Variants in PNPLA8 observed in about 807,000 individuals in gnomAD.
The protein encoded by PNPLA8 is patatin like domain 8, phospholipase A2.
In PNPLA8, 39 loss-of-function variants were observed where a neutral mutation model predicts 76.9. The ratio of observed to expected loss-of-function variants is 0.51; its 90% CI spans 0.39 to 0.66. PNPLA8 has a LOEUF of 0.66. Ranked by LOEUF, PNPLA8 falls within the 30% of genes least tolerant of loss-of-function variation. The pLI is 0.00. For synonymous variants in PNPLA8, 301 were observed against 307.9 expected, an observed-to-expected ratio of 0.98 and a Z score of 0.24; for missense variants, 887 against 918.0, an observed-to-expected ratio of 0.97 and a Z score of 0.44.
intron 6 of PNPLA8, among the ~76,000 whole-genome samples, chr7:108,497,055 T>TA: frequency 1.3e-5 from 2 of 152,168 alleles, no homozygotes; most frequent in South Asian, 4.1e-4. Context: ...TTAAAAATAT[T>TA]TACAAATGTG....
At chr7:108,481,099 T>C (rs1860362008) in intron 9 of PNPLA8, among the ~76,000 whole-genome samples, 1 of 152,244 alleles carries the variant, frequency 6.6e-6, no homozygotes. Flanking sequence ...ACACAGTTCA[T>C]GCATTCATCC....
chr7:108,490,419 T>C lies in PNPLA8; in HGVS notation c.1683+991A>G, dbSNP rs1159139864. ...TAATCTAATGACACACTTCTCAGAA[T>C]GTATCCCTATCATTAAGTGATGCAT... On this transcript the variant is annotated intron_variant, in intron 8 of 10. Coordinates refer to ENST00000257694, the MANE Select transcript of PNPLA8 (RefSeq NM_001256007.3). Among the ~76,000 whole-genome samples the C allele has an allele frequency of 2.0e-5, 3 of 152,336 alleles. No individual in the cohort carries two copies. The East Asian group carries it at 5.8e-4, about 29-fold the overall frequency.
intron 2 of PNPLA8, among the ~76,000 whole-genome samples, chr7:108,520,345 T>C (rs1863647734): frequency 6.6e-6 from 1 of 152,198 alleles, no homozygotes; most frequent in Non-Finnish European, 1.5e-5. Flanking sequence ...AAAGCCATGC[T>C]CTGTTTTCAC....
At chr7:108,519,132 T>A (rs1598976269) in intron 2 of PNPLA8, among the ~76,000 whole-genome samples, 1 of 146,434 alleles carries the variant, frequency 6.8e-6, no homozygotes, top group Non-Finnish European at 1.5e-5. Context: ...CGTGTAAAGA[T>A]GAGAAGGAAA....
At chr7:108,496,228 C>T (rs1255062656) in intron 7 of PNPLA8, among the ~76,000 whole-genome samples, 1 of 151,884 alleles carries the variant, frequency 6.6e-6, no homozygotes, top group Non-Finnish European at 1.5e-5. Flanking sequence ...GGAGTGAGAG[C>T]GTGTGTCGAA....
chr7:108,526,189 G>A (rs1864071266), upstream of PNPLA8: 2 of 711,604 alleles, frequency 2.8e-6, no homozygotes, highest in Non-Finnish European at 3.5e-6. Flanking sequence ...CGCCCCCAGC[G>A]GAAGTGACGC....
intron 6 of PNPLA8, among the ~76,000 whole-genome samples, chr7:108,497,038 T>C (rs113360066): frequency 2.1e-3 from 323 of 152,260 alleles, no homozygotes; most frequent in African/African-American, 7.0e-3. Context: ...ATGATAATAA[T>C]AATAATTTAA....
At position 108,516,248 on chromosome 7, in the gene PNPLA8, G is replaced by A. The variant is rs150094713; in HGVS notation, c.-83-674C>T. Among the ~76,000 whole-genome samples, 37 of 152,280 alleles carry A rather than the reference G, an allele frequency of 2.4e-4. No individual in the cohort carries two copies. In the Middle Eastern group the frequency reaches 0.01, roughly 42 times the overall value. ...AAGAATAATCCAATTTAAAAATGTG[G>A]TATTGGTAAAAGAAAAGACAAATAG... On this transcript the variant is annotated intron_variant, in intron 2 of 10. Transcript: ENST00000257694.
rs552155907 is a variant in PNPLA8 at position 108,485,104 on chromosome 7, C to T, written c.1878+2655G>A. Reference sequence around the variant, plus strand: ...AGCCTGGTAGGAATAATATGTATATCAGAATTGGTCATCAAAACCTCTAGT... The same window carrying T: ...AGCCTGGTAGGAATAATATGTATATTAGAATTGGTCATCAAAACCTCTAGT... On this transcript the variant is annotated intron_variant, in intron 9 of 10. Coordinates refer to ENST00000257694, the MANE Select transcript of PNPLA8 (RefSeq NM_001256007.3). 1.1e-4 allele frequency among the ~76,000 whole-genome samples: 17 copies of T among 152,258 alleles called. No homozygotes were observed. The South Asian group carries it at 3.3e-3, about 30-fold the overall frequency.
intron 9 of PNPLA8, among the ~76,000 whole-genome samples, chr7:108,484,904 C>G (rs1182556637): frequency 1.3e-5 from 2 of 152,090 alleles, no homozygotes; most frequent in East Asian, 3.9e-4. Context: ...ACATTTCTGT[C>G]CAGTTATAAT....
At chr7:108,486,365 G>A (rs1860736974) in intron 9 of PNPLA8, among the ~76,000 whole-genome samples, 1 of 151,996 alleles carries the variant, frequency 6.6e-6, no homozygotes, top group African/African-American at 2.4e-5. Context: ...AAGAATAGGG[G>A]AAATCGTTGT....
At chr7:108,518,727 A>AT (rs1278107430) in intron 2 of PNPLA8, among the ~76,000 whole-genome samples, 4 of 37,392 alleles carry the variant, frequency 1.1e-4, no homozygotes, top group Non-Finnish European at 2.0e-4. Flanking sequence ...ATGAATATAT[A>AT]TATATATATA....
At chr7:108,522,810 G>A (rs929999377) in intron 1 of PNPLA8, among the ~76,000 whole-genome samples, 1 of 152,064 alleles carries the variant, frequency 6.6e-6, no homozygotes, top group Non-Finnish European at 1.5e-5. Context: ...TTAAAATACA[G>A]TACAAAAGGC....
At chr7:108,493,274 A>T (rs1357622179) in intron 7 of PNPLA8, among the ~76,000 whole-genome samples, 1 of 152,224 alleles carries the variant, frequency 6.6e-6, no homozygotes, top group Non-Finnish European at 1.5e-5. Context: ...CAATACATAA[A>T]TATGCAAAGA....
chr7:108,527,154 T>TA (rs1413753196), upstream of PNPLA8, among the ~76,000 whole-genome samples: 1 of 152,234 alleles, frequency 6.6e-6, no homozygotes, highest in African/African-American at 2.4e-5. Flanking sequence ...TCTCAAGGCT[T>TA]ACCCACTACC....
chr7:108,488,299 G>C (rs935425148), intron 8 of PNPLA8, among the ~76,000 whole-genome samples: 1 of 152,168 alleles, frequency 6.6e-6, no homozygotes, highest in African/African-American at 2.4e-5. Context: ...CTGCTTAAAG[G>C]CTGGGCACAG....
upstream of PNPLA8, among the ~76,000 whole-genome samples, chr7:108,526,756 A>ACCC (rs1864112306): frequency 6.6e-6 from 1 of 152,236 alleles, no homozygotes; most frequent in South Asian, 2.1e-4. Flanking sequence ...TCCCACACGT[A>ACCC]ACACATCTTT....
In PNPLA8 at chr7:108,487,851, C is replaced by T; in HGVS notation, c.1786G>A (p.Gly596Ser). ...GCCTGCCACATTTTATACTGACAGC[C>T]TCCCAAATAATGAGAGTTGATTCCA... ...FPGINSHYLG[G>S]CQYKMWQAIR... Residue 596 changes from glycine (G) to serine (S), a missense_variant, in exon 9 of 11, where the codon GGC becomes AGC. By Grantham distance (56) the Gly-to-Ser change is moderately conservative. Coordinates refer to ENST00000257694, the MANE Select transcript of PNPLA8 (RefSeq NM_001256007.3). The T allele has an allele frequency of 6.2e-7, 1 of 1,613,442 alleles. No individual in the cohort carries two copies. Among genetic ancestry groups the T allele is most frequent in the African/African-American group, 1.3e-5 (1 of 75,028 alleles).
At chr7:108,490,762 C>T (rs13225048) in intron 8 of PNPLA8, among the ~76,000 whole-genome samples, 116 of 146,064 alleles carry the variant, frequency 7.9e-4, no homozygotes, top group African/African-American at 2.9e-3. Flanking sequence ...CCAGCCTGGG[C>T]GACAGAGCAA....
Sources: gnomAD v4.1 joint callset for allele counts (sites outside exome capture counted in the v4.1 genomes callset) on GRCh38, gnomAD v4.1.1 for gene constraint, MANE v1.5 for transcripts, NCBI Gene and HGNC (gene_info 2026-07-23, HGNC 2026-07-21) for gene names.